The following FA2H variants were observed in gnomAD, a reference collection of about 807,000 sequenced individuals.
FA2H encodes fatty acid alpha-hydroxylase.
FA2H carries 22 observed loss-of-function variants against 44.9 expected under a neutral mutation model. The observed-to-expected ratio is 0.49, with a 90% CI of 0.35 to 0.70. The LOEUF is 0.70. Among genes scored for constraint, FA2H ranks in the 30% least tolerant of loss-of-function variants. The pLI is 0.01. For missense variants in FA2H, 501 were observed against 504.9 expected (o/e 0.99, Z 0.07); for synonymous variants, 243 against 213.2 (o/e 1.14, Z -1.22).
rs984365368 is a variant in FA2H, at chr16:74,739,938, C to G, written c.363+85G>C. ...CCCCTGGGCACACGTCATGCCCACTCCCAGCTTTGGCTCCACACACCCTCT... is the reference window on the plus strand; with the variant it reads ...CCCCTGGGCACACGTCATGCCCACTGCCAGCTTTGGCTCCACACACCCTCT... On this transcript the variant is annotated intron_variant, in intron 2 of 6. Transcript: ENST00000219368. The G allele has an allele frequency of 6.7e-6, 7 of 1,044,312 alleles. No individual in the cohort carries two copies. In the Admixed American group the frequency reaches 1.2e-4, roughly 18 times the overall value. 64.7% of individuals were successfully genotyped at this position (1,044,312 alleles called of 1,614,324 possible).
chr16:74,727,317 C>T lies in FA2H; in HGVS notation c.433G>A (p.Val145Ile), dbSNP rs751969460. The T allele has an allele frequency of 6.2e-7, 1 of 1,613,978 alleles. No individual in the cohort carries two copies. The highest frequency in any genetic ancestry group is 1.7e-5 in the Admixed American group (1 of 60,018). ...ATGGGCCTGGTCACCGGCTGGTGAACCCACTCATCGTACTTCTCTCCCAAG... is the reference window on the plus strand; with the variant it reads ...ATGGGCCTGGTCACCGGCTGGTGAATCCACTCATCGTACTTCTCTCCCAAG... ...GHLGEKYDEW[V>I]HQPVTRPIRL... is the part of the protein sequence containing the mutation. Residue 145 changes from valine (V) to isoleucine (I), a missense_variant, in exon 3 of 7, where the codon GTT (valine) becomes ATT (isoleucine). Physicochemically the swap from Val to Ile is conservative, Grantham distance 29. Transcript: ENST00000219368.
At chr16:74,769,120 G>A (rs1249873959) in intron 1 of FA2H, among the ~76,000 whole-genome samples, 2 of 152,074 alleles carry the variant, frequency 1.3e-5, no homozygotes, top group Admixed American at 1.3e-4. Context: ...TTGAGACGGG[G>A]TCTCCTCTGT....
In FA2H at chr16:74,774,558, C is replaced by A; in HGVS notation, c.198G>T (p.Pro66=). The change falls in exon 1 of 7, where the codon CCG becomes CCT. Residue 66 remains proline, a synonymous_variant. Coordinates refer to ENST00000219368, the MANE Select transcript of FA2H (RefSeq NM_024306.5). ...GGCGCGCGTTGGCCGAGTGCCTGTG[C>A]GGCGGCCCGTCCAGGTCGGCGCTGA... ...QDISADLDGP[P]HRHSANARRW... is the part of the protein sequence containing the mutation. The A allele has an allele frequency of 6.5e-7, 1 of 1,542,420 alleles. No homozygotes were observed. The highest frequency in any genetic ancestry group is 8.7e-7 in the Non-Finnish European group (1 of 1,154,648).
chr16:74,719,187 G>A lies in FA2H; in HGVS notation c.614-27C>T, dbSNP rs1961777416. Reference sequence around the variant, plus strand: ...TGCAGGGTGGCAGGGAGAGCGAGGTGAGGACCGGTGCATAGCAGCCTGGTA... The same window carrying A: ...TGCAGGGTGGCAGGGAGAGCGAGGTAAGGACCGGTGCATAGCAGCCTGGTA... On this transcript the variant is annotated intron_variant, in intron 4 of 6. Transcript: ENST00000219368. 2.5e-6 allele frequency: 4 copies of A among 1,605,706 alleles called. No homozygotes were observed. In the South Asian group the frequency reaches 3.3e-5, roughly 13 times the overall value.
At chr16:74,750,271 G>C (rs148159963) in intron 1 of FA2H, among the ~76,000 whole-genome samples, 3 of 152,132 alleles carry the variant, frequency 2.0e-5, no homozygotes, top group East Asian at 3.9e-4. Flanking sequence ...GACCCAACTA[G>C]TATAATAAAA....
At chr16:74,742,808 C>T (rs1962340666) in intron 1 of FA2H, among the ~76,000 whole-genome samples, 1 of 152,124 alleles carries the variant, frequency 6.6e-6, no homozygotes, top group African/African-American at 2.4e-5. Context: ...CACAGCACTC[C>T]AGCCTGGGCC....
chr16:74,766,160 A>C (rs1011188024), intron 1 of FA2H, among the ~76,000 whole-genome samples: 4 of 152,128 alleles, frequency 2.6e-5, no homozygotes, highest in African/African-American at 9.7e-5. Context: ...TTAGCTGGGC[A>C]TAGTGGTGGG....
chr16:74,752,162 A>C (rs1962537334), intron 1 of FA2H, among the ~76,000 whole-genome samples: 1 of 152,044 alleles, frequency 6.6e-6, no homozygotes, highest in East Asian at 1.9e-4. Flanking sequence ...GGCCACCCCC[A>C]TCTGCCACCT....
chr16:74,722,537 A>G (rs1454397771), intron 4 of FA2H, among the ~76,000 whole-genome samples: 1 of 152,118 alleles, frequency 6.6e-6, no homozygotes, highest in African/African-American at 2.4e-5. Flanking sequence ...CCCTGTCTCA[A>G]AAAGAAAAAA....
chr16:74,738,958 G>A (rs781324139), intron 2 of FA2H, among the ~76,000 whole-genome samples: 13 of 152,236 alleles, frequency 8.5e-5, no homozygotes, highest in Non-Finnish European at 1.8e-4. Context: ...ATCCTGAGGC[G>A]TCTGTGCTGT....
At chr16:74,733,012 T>G (rs530085329) in intron 2 of FA2H, among the ~76,000 whole-genome samples, 2 of 152,340 alleles carry the variant, frequency 1.3e-5, no homozygotes, top group South Asian at 4.1e-4. Context: ...CACTGCCACC[T>G]GTACACATGG....
At chr16:74,759,041 CT>C (rs1442511077) in intron 1 of FA2H, among the ~76,000 whole-genome samples, 1 of 152,220 alleles carries the variant, frequency 6.6e-6, no homozygotes, top group Non-Finnish European at 1.5e-5. Flanking sequence ...TCACGTCCCA[CT>C]CTGTTGCACC....
chr16:74,733,913 C>T (rs554425059), intron 2 of FA2H, among the ~76,000 whole-genome samples: 11 of 152,350 alleles, frequency 7.2e-5, no homozygotes, highest in African/African-American at 2.6e-4. Context: ...CCTATGCCAC[C>T]TGGCCCTGTA....
At chr16:74,714,926 T>G (rs1342132584) in intron 6 of FA2H, among the ~76,000 whole-genome samples, 1 of 150,242 alleles carries the variant, frequency 6.7e-6, no homozygotes, top group Non-Finnish European at 1.5e-5. Context: ...AAGCTCCGCC[T>G]CCTGGGTCCA....
chr16:74,769,871 G>A (rs1257100915), intron 1 of FA2H, among the ~76,000 whole-genome samples: 1 of 152,234 alleles, frequency 6.6e-6, no homozygotes, highest in Admixed American at 6.5e-5. Context: ...CTCAAGGTGG[G>A]CAGCTTGGCT....
intron 1 of FA2H, among the ~76,000 whole-genome samples, chr16:74,754,913 C>T (rs1962587650): frequency 6.6e-6 from 1 of 152,050 alleles, no homozygotes; most frequent in Non-Finnish European, 1.5e-5. Context: ...CTAGCATCCT[C>T]CTAAGAGGGG....
chr16:74,723,097 G>A (rs1961874675), intron 4 of FA2H, among the ~76,000 whole-genome samples: 1 of 152,180 alleles, frequency 6.6e-6, no homozygotes, highest in African/African-American at 2.4e-5. Context: ...TTAACCTGAG[G>A]CTTATGAATA....
Position 74,719,083 on chromosome 16 carries a change from A to G in FA2H, c.691T>C (p.Tyr231His), listed in dbSNP as rs878855081. The G allele has an allele frequency of 7.4e-6, 12 of 1,613,860 alleles. No homozygotes were observed. Among genetic ancestry groups the G allele is most frequent in the Non-Finnish European group, 1.0e-5 (12 of 1,180,016 alleles). ...LGTFLWSLIE[Y>H]LIHRFLFHMK... ...TGGAACAGGAAGCGGTGGATGAGGT[A>G]CTCGATGAGGCTCCAGAGGAATGTC... Residue 231 changes from tyrosine (Y) to histidine (H), a missense_variant, in exon 5 of 7, where the codon TAC becomes CAC. Coordinates refer to ENST00000219368, the MANE Select transcript of FA2H (RefSeq NM_024306.5).
At chr16:74,724,797 C>G (rs575862332) in intron 4 of FA2H, among the ~76,000 whole-genome samples, 1 of 152,268 alleles carries the variant, frequency 6.6e-6, no homozygotes, top group African/African-American at 2.4e-5. Context: ...TCCTCCCTGC[C>G]ATGCAGGAAA....
Sources: gnomAD v4.1 joint callset for allele counts (sites outside exome capture counted in the v4.1 genomes callset) on GRCh38, gnomAD v4.1.1 for gene constraint, MANE v1.5 for transcripts, NCBI Gene and HGNC (gene_info 2026-07-23, HGNC 2026-07-21) for gene names.